SGK3: variants seen among roughly 807,000 people sequenced by gnomAD.
The protein encoded by SGK3 is serine/threonine-protein kinase Sgk3.
SGK3 carries 47 observed loss-of-function variants against 68.5 expected under a neutral mutation model. The ratio of observed to expected loss-of-function variants is 0.69; its 90% CI spans 0.54 to 0.87. The LOEUF is 0.87. SGK3 is among the 40% of genes least tolerant of loss of function. SGK3 has a pLI of 0.00. For synonymous variants in SGK3, 181 were observed against 189.1 expected, an observed-to-expected ratio of 0.96 and a Z score of 0.35; for missense variants, 479 against 575.5, an observed-to-expected ratio of 0.83 and a Z score of 1.72.
chr8:66,771,452 T>G, intron 1 of SGK3, among the ~76,000 whole-genome samples: 1 of 152,206 alleles, frequency 6.6e-6, no homozygotes, highest in East Asian at 1.9e-4. Context: ...TGGTTCTGTT[T>G]GTATTGTGCC....
At chr8:66,842,065 C>T (rs989871548) in intron 13 of SGK3, among the ~76,000 whole-genome samples, 9 of 152,004 alleles carry the variant, frequency 5.9e-5, no homozygotes, top group Non-Finnish European at 1.3e-4. Context: ...TAAATATTTA[C>T]CTTGAAATGG....
At chr8:66,715,382 C>T (rs1425623409) in intron 1 of SGK3, among the ~76,000 whole-genome samples, 4 of 152,094 alleles carry the variant, frequency 2.6e-5, no homozygotes, top group Non-Finnish European at 4.4e-5. Flanking sequence ...CTCAGCCTCC[C>T]GAGTAGCTGG....
intron 1 of SGK3, among the ~76,000 whole-genome samples, chr8:66,738,826 T>C (rs1228906643): frequency 1.3e-5 from 2 of 152,132 alleles, no homozygotes; most frequent in African/African-American, 4.8e-5. Context: ...GAGACGGGGT[T>C]TCACCATGTT....
At chr8:66,731,776 C>G (rs529638968) in intron 1 of SGK3, among the ~76,000 whole-genome samples, 3,575 of 152,172 alleles carry the variant, frequency 0.023, 74 homozygotes, top group South Asian at 0.053. Context: ...CCTCGTGATC[C>G]GCCTGCTTTG....
intron 13 of SGK3, 120 bp downstream of exon 13, chr8:66,841,230 C>A: frequency 1.2e-6 from 1 of 811,864 alleles, no homozygotes; most frequent in Non-Finnish European, 1.7e-6. Flanking sequence ...TTTCAGCTTC[C>A]AGCCAGCTGG....
chr8:66,844,583 GT>G (rs1809931937), intron 14 of SGK3, among the ~76,000 whole-genome samples: 1 of 152,200 alleles, frequency 6.6e-6, no homozygotes, highest in Admixed American at 6.5e-5. Context: ...TTTTTGACAT[GT>G]TTAGAAATAG....
intron 1 of SGK3, among the ~76,000 whole-genome samples, chr8:66,730,934 G>T (rs558534858): frequency 8.8e-4 from 133 of 151,822 alleles, no homozygotes; most frequent in Non-Finnish European, 9.9e-4. Context: ...TGATCTGCCC[G>T]CCCCAGTCTC....
chr8:66,756,728 T>C (rs949202172), intron 1 of SGK3, among the ~76,000 whole-genome samples: 6 of 151,860 alleles, frequency 4.0e-5, no homozygotes, highest in Non-Finnish European at 7.4e-5. Context: ...TATAGGCACA[T>C]GCCACACCAT....
At chr8:66,840,932 A>C (rs1809774931) in intron 12 of SGK3, 92 bp from the exon 13 acceptor site, 4 of 891,412 alleles carry the variant, frequency 4.5e-6, no homozygotes, top group Non-Finnish European at 4.8e-6. Flanking sequence ...ACAGAGTAAG[A>C]CTCTGTTTCA....
intron 1 of SGK3, among the ~76,000 whole-genome samples, chr8:66,736,832 T>A (rs2130383752): frequency 6.6e-6 from 1 of 151,988 alleles, no homozygotes. Flanking sequence ...TTGGTCAGGC[T>A]GGTCTTGAAC....
At chr8:66,856,600 T>A (rs964271002) in intron 16 of SGK3, among the ~76,000 whole-genome samples, 17 of 152,232 alleles carry the variant, frequency 1.1e-4, no homozygotes, top group Admixed American at 9.8e-4. Context: ...AGATTTGGGA[T>A]GCTCAGCCTG....
rs547460224 is a variant in SGK3, at chr8:66,800,226, A to G, written c.180+1601A>G. On this transcript the variant is annotated intron_variant, in intron 3 of 16. Transcript: ENST00000521198. The stretch of plus-strand genomic sequence containing the variant: ...CGTGGTGGTGGGCGCCTGTAGTCCC[A>G]GCTACTTGGGAGGCTGAGGCAGGAG... Among the ~76,000 whole-genome samples, 4 of 151,618 alleles carry G rather than the reference A, an allele frequency of 2.6e-5. No homozygotes were observed. The South Asian group carries it at 8.4e-4, about 32-fold the overall frequency.
intron 1 of SGK3, among the ~76,000 whole-genome samples, chr8:66,758,785 G>A: frequency 6.6e-6 from 1 of 152,146 alleles, no homozygotes; most frequent in Middle Eastern, 3.4e-3. Context: ...CAAGTAGCTG[G>A]AACTACCAGC....
intron 1 of SGK3, among the ~76,000 whole-genome samples, chr8:66,713,869 C>T (rs1306398616): frequency 6.6e-6 from 1 of 152,172 alleles, no homozygotes; most frequent in Non-Finnish European, 1.5e-5. Context: ...CCGGGTGTGC[C>T]TTCTGGTCCC....
At chr8:66,757,024 C>G (rs1391161452) in intron 1 of SGK3, among the ~76,000 whole-genome samples, 4 of 151,988 alleles carry the variant, frequency 2.6e-5, no homozygotes, top group Admixed American at 6.6e-5. Flanking sequence ...AGGTTCTTTG[C>G]CTAGAAGGAT....
intron 1 of SGK3, among the ~76,000 whole-genome samples, chr8:66,787,093 G>A (rs1807241028): frequency 1.3e-5 from 2 of 151,676 alleles, no homozygotes; most frequent in South Asian, 4.2e-4. Context: ...ACAGGCATGT[G>A]CCACCATGCC....
chr8:66,740,775 T>C (rs990449915), intron 1 of SGK3, among the ~76,000 whole-genome samples: 4 of 151,948 alleles, frequency 2.6e-5, no homozygotes, highest in East Asian at 1.9e-4. Context: ...GGTGTGGTGG[T>C]GCACGCCCGT....
intron 1 of SGK3, among the ~76,000 whole-genome samples, chr8:66,752,879 C>T (rs111518321): frequency 0.019 from 2,940 of 152,056 alleles, 68 homozygotes; most frequent in South Asian, 0.044. Context: ...GACAGGGTCT[C>T]ACTCTGTTGT....
chr8:66,825,808 A>G (rs1809030306), intron 6 of SGK3, among the ~76,000 whole-genome samples: 8 of 152,194 alleles, frequency 5.3e-5, no homozygotes, highest in South Asian at 4.1e-4. Flanking sequence ...GTCTTCAAAA[A>G]TAGTAAGTAC....
Sources: allele counts gnomAD v4.1 joint callset (sites outside exome capture counted in the v4.1 genomes callset), GRCh38; gene constraint gnomAD v4.1.1; transcripts MANE v1.5; gene names NCBI Gene and HGNC (gene_info 2026-07-23, HGNC 2026-07-21).